The following RHBDL3 variants were observed in gnomAD, a reference collection of about 807,000 sequenced individuals.
RHBDL3 encodes rhomboid-related protein 3.
A neutral mutation model predicts 48.2 loss-of-function variants in RHBDL3; 28 were observed. The observed-to-expected ratio is 0.58, with a 90% CI of 0.43 to 0.80. The LOEUF (loss-of-function observed/expected upper bound fraction) is 0.80, where lower values mean the gene tolerates loss of function less well. Ranked by LOEUF, RHBDL3 falls within the 30% of genes least tolerant of loss-of-function variation. The pLI is 0.00. For synonymous variants in RHBDL3, 208 were observed against 232.3 expected (o/e 0.90, Z 0.95); for missense variants, 464 against 542.7 (o/e 0.85, Z 1.44).
intron 2 of RHBDL3, among the ~76,000 whole-genome samples, chr17:32,270,324 C>A (rs1251121917): frequency 2.0e-5 from 3 of 151,818 alleles, no homozygotes; most frequent in Non-Finnish European, 2.9e-5. Flanking sequence ...GTCAAGCAGA[C>A]ACCAGTGGTA....
rs1277090078 is a variant in RHBDL3 at position 32,289,037 on chromosome 17, G to A, written c.519+21G>A. The A allele has an allele frequency of 3.7e-6, 6 of 1,608,724 alleles. No individual in the cohort carries two copies. In the East Asian group the frequency reaches 1.1e-4, roughly 30 times the overall value. On this transcript the variant is annotated intron_variant, in intron 4 of 8. Coordinates refer to ENST00000269051, the MANE Select transcript of RHBDL3 (RefSeq NM_138328.3). Reference sequence around the variant, plus strand: ...TGGAGGCAAGGACAAGGGTGGGGAGGGGGTTGCTCTGCCTTGGGGAGTGGC... The same window carrying A: ...TGGAGGCAAGGACAAGGGTGGGGAGAGGGTTGCTCTGCCTTGGGGAGTGGC...
At chr17:32,318,257 T>C (rs771508659) in intron 8 of RHBDL3, among the ~76,000 whole-genome samples, 52 of 150,870 alleles carry the variant, frequency 3.4e-4, no homozygotes, top group Non-Finnish European at 7.4e-5. Flanking sequence ...GCCCAGGAGC[T>C]TGAGGCAGCA....
chr17:32,316,793 C>T (rs1244356530), intron 8 of RHBDL3, among the ~76,000 whole-genome samples: 35 of 152,008 alleles, frequency 2.3e-4, no homozygotes. Flanking sequence ...GCTGGGATTA[C>T]AGGTGTGAGT....
At chr17:32,286,580 A>C (rs377682435) in intron 3 of RHBDL3, among the ~76,000 whole-genome samples, 36 of 152,336 alleles carry the variant, frequency 2.4e-4, no homozygotes, top group African/African-American at 8.7e-4. Flanking sequence ...AAGGATCAAA[A>C]AAAGTATTTG....
intron 2 of RHBDL3, among the ~76,000 whole-genome samples, chr17:32,273,775 G>T (rs1242164913): frequency 6.6e-6 from 1 of 152,136 alleles, no homozygotes; most frequent in East Asian, 1.9e-4. Flanking sequence ...TCACCCCGTT[G>T]TCCAGGCTGG....
At chr17:32,306,464 G>T (rs913376322) in intron 7 of RHBDL3, among the ~76,000 whole-genome samples, 6 of 151,808 alleles carry the variant, frequency 4.0e-5, no homozygotes, top group Admixed American at 3.9e-4. Flanking sequence ...TGTCATGGGA[G>T]GGGGGCACCA....
At chr17:32,319,314 G>C (rs568575915) in intron 8 of RHBDL3, among the ~76,000 whole-genome samples, 82 of 151,470 alleles carry the variant, frequency 5.4e-4, no homozygotes, top group South Asian at 4.8e-3. Context: ...CCCAGCTACT[G>C]GGGAGGCTGA....
chr17:32,290,632 T>A (rs1188537616), intron 4 of RHBDL3, among the ~76,000 whole-genome samples: 1 of 151,794 alleles, frequency 6.6e-6, no homozygotes, highest in Non-Finnish European at 1.5e-5. Context: ...CAGCAAGCAA[T>A]AAGAAACAGC....
chr17:32,306,462 G>T (rs989087147), intron 7 of RHBDL3, among the ~76,000 whole-genome samples: 2 of 152,188 alleles, frequency 1.3e-5, no homozygotes, highest in Non-Finnish European at 2.9e-5. Context: ...TCTGTCATGG[G>T]AGGGGGGCAC....
chr17:32,284,163 G>T (rs1367793311), intron 2 of RHBDL3: 1 of 153,432 alleles, frequency 6.5e-6, no homozygotes, highest in East Asian at 1.9e-4. Context: ...TGTGTGGGAG[G>T]GGCCATGGGA....
intron 2 of RHBDL3, among the ~76,000 whole-genome samples, chr17:32,275,480 C>A (rs1442869016): frequency 6.6e-6 from 1 of 152,174 alleles, no homozygotes; most frequent in Non-Finnish European, 1.5e-5. Flanking sequence ...GGAATAGGCC[C>A]AGTGGAGGAG....
intron 8 of RHBDL3, among the ~76,000 whole-genome samples, chr17:32,318,090 G>A (rs1373849074): frequency 6.7e-6 from 1 of 150,072 alleles, no homozygotes; most frequent in African/African-American, 2.4e-5. Context: ...ATGGTGGCTT[G>A]CGCCTGTAGT....
At chr17:32,308,009 T>C (rs2040751454) in intron 7 of RHBDL3, among the ~76,000 whole-genome samples, 1 of 152,130 alleles carries the variant, frequency 6.6e-6, no homozygotes, top group Non-Finnish European at 1.5e-5. Context: ...GTTCCCACCC[T>C]CTTCCCCACC....
intron 7 of RHBDL3, among the ~76,000 whole-genome samples, chr17:32,312,667 A>G (rs2040872380): frequency 6.6e-6 from 1 of 151,916 alleles, no homozygotes; most frequent in Non-Finnish European, 1.5e-5. Context: ...ACAGGCATGT[A>G]CCACCACACC....
At chr17:32,283,919 C>T (rs1299952197) in intron 2 of RHBDL3, among the ~76,000 whole-genome samples, 3 of 152,164 alleles carry the variant, frequency 2.0e-5, no homozygotes, top group Non-Finnish European at 4.4e-5. Flanking sequence ...AAGAGAAGGG[C>T]ATATCTGAGT....
chr17:32,316,520 T>G (rs887424832), intron 8 of RHBDL3, among the ~76,000 whole-genome samples: 3 of 152,200 alleles, frequency 2.0e-5, no homozygotes, highest in African/African-American at 7.2e-5. Flanking sequence ...TATATTTTCA[T>G]CTTTTTTTTT....
intron 6 of RHBDL3, 21 bp downstream of exon 6, chr17:32,298,225 TC>T: frequency 6.5e-7 from 1 of 1,534,108 alleles, no homozygotes; most frequent in Non-Finnish European, 9.0e-7. Context: ...AGGCCCCGTG[TC>T]CACAAAGGCA....
rs1353558360 is a variant in RHBDL3, at chr17:32,265,893, C to T, written c.-297C>T. ...GGGGAGCGGCGGGGCCGGGGCCGGCCCAAGGGCGCCCTCGCCTCGGAGCCG... is the reference window on the plus strand; with the variant it reads ...GGGGAGCGGCGGGGCCGGGGCCGGCTCAAGGGCGCCCTCGCCTCGGAGCCG... On this transcript the variant is annotated 5_prime_UTR_variant, in exon 1 of 9. Transcript: ENST00000269051. 1.4e-5 allele frequency among the ~76,000 whole-genome samples: 2 copies of T among 146,666 alleles called. No homozygotes were observed. The highest frequency in any genetic ancestry group is 2.4e-5 in the African/African-American group (1 of 40,818).
chr17:32,320,469 G>A (rs1235965259), intron 8 of RHBDL3, among the ~76,000 whole-genome samples: 1 of 149,124 alleles, frequency 6.7e-6, no homozygotes, highest in Non-Finnish European at 1.5e-5. Flanking sequence ...GATTACGGGA[G>A]CCCACCACCA....
Sources: allele counts gnomAD v4.1 joint callset (sites outside exome capture counted in the v4.1 genomes callset), GRCh38; gene constraint gnomAD v4.1.1; transcripts MANE v1.5; gene names NCBI Gene and HGNC (gene_info 2026-07-23, HGNC 2026-07-21).